Variants in NCAM2 observed in about 807,000 individuals in gnomAD.
NCAM2 encodes N-CAM-2.
NCAM2 carries 30 observed loss-of-function variants against 98.1 expected under a neutral mutation model. The observed-to-expected ratio is 0.31, with a 90% CI of 0.23 to 0.41. NCAM2 has a LOEUF of 0.41. Among genes scored for constraint, NCAM2 ranks in the 10% least tolerant of loss-of-function variants. The probability of loss-of-function intolerance (pLI) is 1.00; values close to 1 mark genes in which losing one functional copy is unlikely to be tolerated. For missense variants in NCAM2, 867 were observed against 1,005.8 expected (o/e 0.86, Z 1.87); for synonymous variants, 368 against 342.4 (o/e 1.07, Z -0.83).
intron 1 of NCAM2, among the ~76,000 whole-genome samples, chr21:21,162,274 A>G (rs1019436587): frequency 1.3e-5 from 2 of 152,158 alleles, no homozygotes; most frequent in African/African-American, 4.8e-5. Context: ...AAGTTCTAAG[A>G]TATGATTTCA....
chr21:21,394,589 C>T (rs369833268), intron 9 of NCAM2, among the ~76,000 whole-genome samples: 25 of 147,036 alleles, frequency 1.7e-4, no homozygotes, highest in African/African-American at 2.5e-4. Context: ...CCCGGGTTCA[C>T]GCCATTCTCC....
At chr21:21,514,788 G>A (rs1988616951) in intron 16 of NCAM2, among the ~76,000 whole-genome samples, 1 of 152,100 alleles carries the variant, frequency 6.6e-6, no homozygotes, top group Non-Finnish European at 1.5e-5. Context: ...CCATGGTTGT[G>A]ACATCTCAGA....
At chr21:21,134,466 T>G (rs1166993616) in intron 1 of NCAM2, among the ~76,000 whole-genome samples, 1 of 152,048 alleles carries the variant, frequency 6.6e-6, no homozygotes, top group African/African-American at 2.4e-5. Flanking sequence ...TTTGTAGGAT[T>G]GGTTTTTGTC....
At chr21:21,536,176 G>GT (rs1274140291) in intron 17 of NCAM2, among the ~76,000 whole-genome samples, 2 of 151,524 alleles carry the variant, frequency 1.3e-5, no homozygotes, top group African/African-American at 2.4e-5. Context: ...GTTTTTTAAT[G>GT]TTTTTTTCAT....
chr21:21,473,192 C>G (rs1984681080), intron 14 of NCAM2, among the ~76,000 whole-genome samples: 2 of 151,222 alleles, frequency 1.3e-5, no homozygotes, highest in African/African-American at 4.9e-5. Flanking sequence ...GAAGGACTCA[C>G]TGGTCTCTCG....
chr21:21,067,954 T>G (rs1161865406), intron 1 of NCAM2, among the ~76,000 whole-genome samples: 1 of 152,060 alleles, frequency 6.6e-6, no homozygotes, highest in Non-Finnish European at 1.5e-5. Flanking sequence ...ATTTCTTGTC[T>G]TCTTGTCTTC....
chr21:21,227,402 T>C (rs912214019), intron 1 of NCAM2, among the ~76,000 whole-genome samples: 1 of 151,674 alleles, frequency 6.6e-6, no homozygotes, highest in Non-Finnish European at 1.5e-5. Flanking sequence ...TAAATATAAG[T>C]CATGTAAAAG....
At chr21:21,528,626 T>A (rs1989456675) in intron 16 of NCAM2, among the ~76,000 whole-genome samples, 1 of 152,168 alleles carries the variant, frequency 6.6e-6, no homozygotes, top group Non-Finnish European at 1.5e-5. Context: ...TGGTTAATAG[T>A]TTGTAACAGT....
chr21:21,516,063 C>T (rs1015976461), intron 16 of NCAM2, among the ~76,000 whole-genome samples: 2 of 151,994 alleles, frequency 1.3e-5, no homozygotes, highest in African/African-American at 2.4e-5. Flanking sequence ...GTCCATGTAT[C>T]GAATGGAAGT....
At chr21:21,063,378 G>A (rs1040462687) in intron 1 of NCAM2, among the ~76,000 whole-genome samples, 6 of 151,578 alleles carry the variant, frequency 4.0e-5, no homozygotes, top group African/African-American at 7.3e-5. Flanking sequence ...GCGCCAGCAC[G>A]CCTGGCTAAT....
chr21:21,427,100 C>T (rs769043025), intron 11 of NCAM2, among the ~76,000 whole-genome samples: 2 of 152,010 alleles, frequency 1.3e-5, no homozygotes, highest in African/African-American at 2.4e-5. Context: ...ATGAACTATG[C>T]GTGCTGGGAG....
At chr21:21,067,587 T>C (rs1164386799) in intron 1 of NCAM2, among the ~76,000 whole-genome samples, 1 of 152,182 alleles carries the variant, frequency 6.6e-6, no homozygotes, top group Admixed American at 6.5e-5. Flanking sequence ...TAGTCTTTCT[T>C]GCATCATCCT....
Position 21,540,198 on chromosome 21 carries a change from A to G in NCAM2, c.*2241A>G, listed in dbSNP as rs1162163248. 1.3e-5 allele frequency: 2 copies of G among 151,650 alleles called. No individual in the cohort carries two copies. Among genetic ancestry groups the G allele is most frequent in the Non-Finnish European group, 2.9e-5 (2 of 67,910 alleles). 9.4% of individuals were successfully genotyped at this position (151,650 alleles called of 1,614,324 possible). A position where few individuals can be genotyped will look rare whatever the true frequency, so the allele number is the denominator to read the frequency against. On this transcript the variant is annotated 3_prime_UTR_variant, in exon 18 of 18. Coordinates refer to ENST00000400546, the MANE Select transcript of NCAM2 (RefSeq NM_004540.5). ...TATTTTTGTGTTTTCTCAATGTGAC[A>G]TTTCTGTTTCTCTCATTTATTCGGA...
At chr21:21,097,394 T>G (rs1265274735) in intron 1 of NCAM2, among the ~76,000 whole-genome samples, 4 of 151,526 alleles carry the variant, frequency 2.6e-5, no homozygotes, top group African/African-American at 9.7e-5. Flanking sequence ...TGGAAACGAG[T>G]TTCATGCATT....
chr21:21,296,873 T>C (rs1267999999), intron 5 of NCAM2, among the ~76,000 whole-genome samples: 1 of 151,614 alleles, frequency 6.6e-6, no homozygotes, highest in Non-Finnish European at 1.5e-5. Flanking sequence ...AAATGACCAA[T>C]ACAGTGTGCA....
intron 5 of NCAM2, among the ~76,000 whole-genome samples, chr21:21,296,674 T>C (rs1230529677): frequency 1.3e-5 from 2 of 151,406 alleles, no homozygotes; most frequent in African/African-American, 4.8e-5. Context: ...GGAGAAAAAG[T>C]GAGTTCATGT....
intron 1 of NCAM2, among the ~76,000 whole-genome samples, chr21:21,177,589 T>C (rs1228731322): frequency 6.6e-6 from 1 of 152,156 alleles, no homozygotes; most frequent in East Asian, 1.9e-4. Context: ...TTAAAGTCAG[T>C]AAAGTGAAAG....
chr21:21,208,048 A>C (rs935349756), intron 1 of NCAM2, among the ~76,000 whole-genome samples: 1 of 152,198 alleles, frequency 6.6e-6, no homozygotes, highest in Non-Finnish European at 1.5e-5. Flanking sequence ...TAGCTGTTTA[A>C]TACATTATTA....
intron 15 of NCAM2, among the ~76,000 whole-genome samples, chr21:21,494,616 T>C (rs1569117715): frequency 6.6e-6 from 1 of 151,052 alleles, no homozygotes; most frequent in Non-Finnish European, 1.5e-5. Flanking sequence ...AGTAAGATAA[T>C]AGCAAACATC....
Sources: gnomAD v4.1 joint callset for allele counts (sites outside exome capture counted in the v4.1 genomes callset) on GRCh38, gnomAD v4.1.1 for gene constraint, MANE v1.5 for transcripts, NCBI Gene and HGNC (gene_info 2026-07-23, HGNC 2026-07-21) for gene names.